Variants in PALLD observed in about 807,000 individuals in gnomAD.
PALLD encodes palladin, cytoskeletal associated protein.
Under a neutral mutation model 123.5 loss-of-function variants are expected in PALLD, and 61 were observed. The observed-to-expected ratio is 0.49, with a 90% CI of 0.40 to 0.61. PALLD has a LOEUF of 0.61. Ranked by LOEUF, PALLD falls within the 20% of genes least tolerant of loss-of-function variation. The probability of loss-of-function intolerance (pLI) is 0.00; values close to 1 mark genes in which losing one functional copy is unlikely to be tolerated. For synonymous variants in PALLD, 465 were observed against 496.4 expected (o/e 0.94, Z 0.84); for missense variants, 1,273 against 1,377.0 (o/e 0.92, Z 1.20).
In PALLD at chr4:168,511,931, C is replaced by T. The variant is rs780911413; in HGVS notation, c.427C>T (p.Arg143Cys). The T allele has an allele frequency of 8.1e-6, 13 of 1,614,074 alleles. No individual in the cohort carries two copies. Among genetic ancestry groups the T allele is most frequent in the Middle Eastern group, 1.6e-4 (1 of 6,084 alleles). The change falls in exon 2 of 22, where the codon CGT becomes TGT. Residue 143 changes from arginine to cysteine, a missense_variant. Arg to Cys is a radical substitution (Grantham distance 180). This residue lies in a region of PALLD where 944 missense variants were observed against 954.5 expected (regional missense o/e 0.99). Coordinates refer to ENST00000505667, the MANE Select transcript of PALLD (RefSeq NM_001166108.2). Reference protein sequence around the residue: ...YIRSLRKAEKRGAKTPSTNVK... With the variant: ...YIRSLRKAEKCGAKTPSTNVK... ...CCGGAGCCTCCGAAAGGCTGAAAAGCGTGGTGCAAAAACTCCCAGCACAAA... is the reference window on the plus strand; with the variant it reads ...CCGGAGCCTCCGAAAGGCTGAAAAGTGTGGTGCAAAAACTCCCAGCACAAA...
intron 10 of PALLD, among the ~76,000 whole-genome samples, chr4:168,886,693 T>A (rs1753380072): frequency 6.6e-6 from 1 of 152,210 alleles, no homozygotes; most frequent in Non-Finnish European, 1.5e-5. Context: ...GTTAATTGTT[T>A]AGAACCAAGA....
In PALLD at chr4:168,915,978, C is replaced by T. The variant is rs756934356; in HGVS notation, c.2801C>T (p.Pro934Leu). ...TTCAGACCTCACTTCTTGCAGGCTC[C>T]TGGAGATCTGACTGTTCAAGAAGGA... is the stretch of plus-strand genomic sequence containing the variant. ...RFFRPHFLQA[P>L]GDLTVQEGKL... Residue 934 changes from proline to leucine, a missense_variant, in exon 17 of 22, where the codon CCT (proline) becomes CTT (leucine). Physicochemically the swap from Pro to Leu is moderately conservative, Grantham distance 98. Around this residue, in one of 2 missense-constraint regions of PALLD, gnomAD observed 329 missense variants for 422.5 expected, o/e 0.78. Coordinates refer to ENST00000505667, the MANE Select transcript of PALLD (RefSeq NM_001166108.2). The T allele has an allele frequency of 8.7e-6, 14 of 1,613,626 alleles. No individual in the cohort carries two copies. The highest frequency in any genetic ancestry group is 1.2e-5 in the Non-Finnish European group (14 of 1,179,652).
intron 10 of PALLD, among the ~76,000 whole-genome samples, chr4:168,838,134 T>C (rs537076906): frequency 2.6e-5 from 4 of 152,274 alleles, no homozygotes; most frequent in African/African-American, 9.6e-5. Context: ...CCCTCATCAG[T>C]CACTGCTTCT....
chr4:168,511,631 C>G lies in PALLD; in HGVS notation c.127C>G (p.Leu43Val). 1 of 1,614,188 alleles carries G rather than the reference C, an allele frequency of 6.2e-7. No homozygotes were observed. The change falls in exon 2 of 22, where the codon CTT becomes GTT. Residue 43 changes from leucine to valine, a missense_variant. Coordinates refer to ENST00000505667, the MANE Select transcript of PALLD (RefSeq NM_001166108.2). ...CAGCCAGGAAGAGATAAACAAGAGT[C>G]TTGACCTGGCCCGGAGAGCCATAGC... ...FLSQEEINKSLDLARRAIADS... is the reference protein window; with the variant it reads ...FLSQEEINKSVDLARRAIADS...
intron 10 of PALLD, among the ~76,000 whole-genome samples, chr4:168,846,167 T>G (rs191700333): frequency 6.6e-6 from 1 of 152,218 alleles, no homozygotes. Context: ...CACTGCACGC[T>G]TTACTATTTT....
At chr4:168,555,482 G>A (rs941371245) in intron 2 of PALLD, among the ~76,000 whole-genome samples, 2 of 152,162 alleles carry the variant, frequency 1.3e-5, no homozygotes, top group Non-Finnish European at 2.9e-5. Context: ...CTGTGGACCC[G>A]CTTTGCTGAG....
At chr4:168,727,763 T>C (rs548581368) in intron 10 of PALLD, among the ~76,000 whole-genome samples, 16 of 152,338 alleles carry the variant, frequency 1.1e-4, no homozygotes, top group African/African-American at 3.8e-4. Flanking sequence ...TTTTGGAAAC[T>C]TCACCAAAAA....
intron 2 of PALLD, among the ~76,000 whole-genome samples, chr4:168,640,478 C>G (rs1776830815): frequency 6.6e-6 from 1 of 152,192 alleles, no homozygotes; most frequent in Admixed American, 6.5e-5. Flanking sequence ...GTCCATCTCC[C>G]AGTACACACA....
At chr4:168,666,066 A>G (rs1233679863) in intron 2 of PALLD, among the ~76,000 whole-genome samples, 1 of 152,096 alleles carries the variant, frequency 6.6e-6, no homozygotes, top group East Asian at 1.9e-4. Context: ...TCAAACCCTT[A>G]AAAGTATAAA....
intron 2 of PALLD, among the ~76,000 whole-genome samples, chr4:168,659,004 G>A (rs980407620): frequency 1.3e-5 from 2 of 152,194 alleles, no homozygotes; most frequent in African/African-American, 4.8e-5. Flanking sequence ...CTGCCTATAA[G>A]TCCACATGAC....
intron 8 of PALLD, among the ~76,000 whole-genome samples, chr4:168,706,299 A>C (rs1314593295): frequency 6.6e-6 from 1 of 152,208 alleles, no homozygotes; most frequent in Non-Finnish European, 1.5e-5. Context: ...TCAACTAAAT[A>C]ATTTAGATTC....
chr4:168,810,261 A>C (rs1740878868), intron 10 of PALLD, among the ~76,000 whole-genome samples: 1 of 152,142 alleles, frequency 6.6e-6, no homozygotes, highest in African/African-American at 2.4e-5. Flanking sequence ...TGGAAAGAGA[A>C]AGAATGATTC....
At chr4:168,679,726 A>G (rs1425768848) in intron 3 of PALLD, among the ~76,000 whole-genome samples, 1 of 152,056 alleles carries the variant, frequency 6.6e-6, no homozygotes, top group Non-Finnish European at 1.5e-5. Context: ...GGGCCATTAA[A>G]TGACAAATTT....
chr4:168,667,957 T>G (rs922922220), intron 2 of PALLD, among the ~76,000 whole-genome samples: 1 of 152,214 alleles, frequency 6.6e-6, no homozygotes, highest in African/African-American at 2.4e-5. Context: ...TAGCATCACT[T>G]GGGTTGATAA....
At chr4:168,521,196 C>A (rs906077419) in intron 2 of PALLD, among the ~76,000 whole-genome samples, 10 of 151,278 alleles carry the variant, frequency 6.6e-5, no homozygotes, top group African/African-American at 9.7e-5. Context: ...CAAAAAAAAA[C>A]AAAACACCTG....
intron 2 of PALLD, among the ~76,000 whole-genome samples, chr4:168,620,326 G>C (rs376845188): frequency 6.6e-6 from 1 of 152,084 alleles, no homozygotes; most frequent in Admixed American, 6.5e-5. Flanking sequence ...GTGGTGGCAC[G>C]CTCCTGTAAT....
intron 8 of PALLD, chr4:168,700,936 G>C (rs988768436): frequency 6.6e-6 from 1 of 152,110 alleles, no homozygotes; most frequent in Non-Finnish European, 1.5e-5. Flanking sequence ...GTCTTCTACT[G>C]TCTGTTAAAA....
intron 10 of PALLD, chr4:168,877,844 G>T (rs1031973523): frequency 1.8e-5 from 24 of 1,345,076 alleles, no homozygotes; most frequent in East Asian, 6.5e-5. Flanking sequence ...GCCGCCGCCC[G>T]CCTTCCCCGA....
intron 17 of PALLD, 113 bp downstream of exon 17, chr4:168,916,140 C>CA (rs1760036352): frequency 4.9e-6 from 5 of 1,022,696 alleles, no homozygotes; most frequent in African/African-American, 1.6e-5. Flanking sequence ...GAGCTGGGCA[C>CA]AGTGGCTCAC....
Sources: allele counts gnomAD v4.1 joint callset (sites outside exome capture counted in the v4.1 genomes callset), GRCh38; gene constraint gnomAD v4.1.1; regional missense constraint gnomAD v4.1.1; transcripts MANE v1.5; gene names NCBI Gene and HGNC (gene_info 2026-07-23, HGNC 2026-07-21).